The following NEDD4L variants were observed in gnomAD, a reference collection of about 807,000 sequenced individuals.
NEDD4L encodes NEDD4 like E3 ubiquitin protein ligase, also known as E3 ubiquitin-protein ligase NEDD4-like.
Under a neutral mutation model 148.9 loss-of-function variants are expected in NEDD4L, and 54 were observed. The observed-to-expected ratio is 0.36, with a 90% CI of 0.29 to 0.45. The LOEUF (loss-of-function observed/expected upper bound fraction) is 0.45, where lower values mean the gene tolerates loss of function less well. Among genes scored for constraint, NEDD4L ranks in the 20% least tolerant of loss-of-function variants. The pLI is 1.00. For missense variants in NEDD4L, 856 were observed against 1,233.8 expected (o/e 0.69, Z 4.59); for synonymous variants, 433 against 440.7 (o/e 0.98, Z 0.22).
intron 5 of NEDD4L, among the ~76,000 whole-genome samples, chr18:58,282,927 G>A (rs963880312): frequency 6.6e-6 from 1 of 152,126 alleles, no homozygotes. Flanking sequence ...TACACAATCT[G>A]TGTCAGCAGG....
intron 1 of NEDD4L, among the ~76,000 whole-genome samples, chr18:58,121,248 G>T (rs2086222512): frequency 6.6e-6 from 1 of 152,088 alleles, no homozygotes; most frequent in South Asian, 2.1e-4. Context: ...ATGAGAGTGG[G>T]CTGTTATTTT....
chr18:58,213,127 G>T (rs1311588193), intron 2 of NEDD4L, among the ~76,000 whole-genome samples: 2 of 143,092 alleles, frequency 1.4e-5, no homozygotes, highest in African/African-American at 5.6e-5. Context: ...TCATAATACT[G>T]ATGGAAATGT....
chr18:58,081,873 A>G (rs192275809), intron 1 of NEDD4L, among the ~76,000 whole-genome samples: 53 of 151,982 alleles, frequency 3.5e-4, no homozygotes, highest in Admixed American at 6.6e-4. Flanking sequence ...GAAATTGCCT[A>G]TTTACCTCAA....
At chr18:58,262,759 GA>G (rs1269044665) in intron 5 of NEDD4L, among the ~76,000 whole-genome samples, 2 of 152,218 alleles carry the variant, frequency 1.3e-5, no homozygotes, top group Admixed American at 6.5e-5. Context: ...GGCCAACTAG[GA>G]TACAGAGGAG....
At chr18:58,067,484 G>A (rs1020096690) in intron 1 of NEDD4L, among the ~76,000 whole-genome samples, 1 of 152,130 alleles carries the variant, frequency 6.6e-6, no homozygotes, top group Non-Finnish European at 1.5e-5. Context: ...AATGGTTGGG[G>A]CTGGGTTGGG....
At chr18:58,050,387 T>A (rs928602142) in intron 1 of NEDD4L, among the ~76,000 whole-genome samples, 47 of 152,096 alleles carry the variant, frequency 3.1e-4, no homozygotes, top group African/African-American at 1.1e-3. Context: ...GGAGAATAGC[T>A]TGAACCCTGA....
At chr18:58,211,649 TA>T (rs1236489502) in intron 2 of NEDD4L, among the ~76,000 whole-genome samples, 2 of 152,196 alleles carry the variant, frequency 1.3e-5, no homozygotes, top group Non-Finnish European at 2.9e-5. Flanking sequence ...TATAGAAGAA[TA>T]AATACGTACT....
At chr18:58,273,820 A>T (rs1026744429) in intron 5 of NEDD4L, among the ~76,000 whole-genome samples, 2 of 152,228 alleles carry the variant, frequency 1.3e-5, no homozygotes, top group Admixed American at 1.3e-4. Context: ...TTTTAAGTCC[A>T]TCTTTAAAAC....
intron 1 of NEDD4L, among the ~76,000 whole-genome samples, chr18:58,050,051 G>A (rs35457085): frequency 0.15 from 23,215 of 150,688 alleles, 2,007 homozygotes; most frequent in African/African-American, 0.22. Flanking sequence ...TGTGGAATTT[G>A]TAGACATTGA....
At chr18:58,200,751 C>T (rs1166745176) in intron 2 of NEDD4L, among the ~76,000 whole-genome samples, 2 of 152,304 alleles carry the variant, frequency 1.3e-5, no homozygotes, top group East Asian at 1.9e-4. Flanking sequence ...GGAATCAATT[C>T]GAGTCACTTA....
At chr18:58,143,557 C>G (rs1463812784) in intron 1 of NEDD4L, among the ~76,000 whole-genome samples, 2 of 152,172 alleles carry the variant, frequency 1.3e-5, no homozygotes, top group Non-Finnish European at 2.9e-5. Context: ...TGATGCAGTG[C>G]TATTTAAAGA....
intron 1 of NEDD4L, among the ~76,000 whole-genome samples, chr18:58,130,027 A>G (rs2031811489): frequency 7.8e-6 from 1 of 128,374 alleles, no homozygotes; most frequent in Admixed American, 9.0e-5. Context: ...ACTGTGATCT[A>G]GTTGAACTGT....
rs940401284 is a variant in NEDD4L at position 58,330,833 on chromosome 18, C to T, written c.909C>T (p.Ser303=). The T allele has an allele frequency of 4.3e-6, 7 of 1,613,760 alleles. No homozygotes were observed. Among genetic ancestry groups the T allele is most frequent in the Middle Eastern group, 1.6e-4 (1 of 6,084 alleles). Residue 303 remains serine (S), a synonymous_variant, in exon 11 of 31, where the codon AGC becomes AGT. Coordinates refer to ENST00000400345, the MANE Select transcript of NEDD4L (RefSeq NM_001144967.3). ...CGGCCTCCCCAGGATCTCGGACCAG[C>T]CCTCAGGAGCTGTCAGAGGAACTAA... ...PPPASPGSRT[S]PQELSEELSR...
chr18:58,256,405 G>A lies in NEDD4L; in HGVS notation c.297+4351G>A. Reference sequence around the variant, plus strand: ...AGCAGCCCCAACAAGGCGCTTCGGGGCCAGGCAGCGACCTCAACTTTGGCT... The same window carrying A: ...AGCAGCCCCAACAAGGCGCTTCGGGACCAGGCAGCGACCTCAACTTTGGCT... On this transcript the variant is annotated intron_variant, in intron 5 of 30. Coordinates refer to ENST00000400345, the MANE Select transcript of NEDD4L (RefSeq NM_001144967.3). This position sits in a 1 kb window ranked among gnomAD's most constrained non-coding sequence, Gnocchi z 5.2. 1 of 1,232,368 alleles carries A rather than the reference G, an allele frequency of 8.1e-7. No homozygotes were observed. Among genetic ancestry groups the A allele is most frequent in the Non-Finnish European group, 1.0e-6 (1 of 988,126 alleles). 76.3% of individuals were successfully genotyped at this position (1,232,368 alleles called of 1,614,324 possible).
chr18:58,356,427 A>T (rs2044670780), intron 18 of NEDD4L, among the ~76,000 whole-genome samples: 1 of 151,806 alleles, frequency 6.6e-6, no homozygotes, highest in Admixed American at 6.6e-5. Flanking sequence ...CCTAGTACAC[A>T]CACAGGAATC....
intron 2 of NEDD4L, among the ~76,000 whole-genome samples, chr18:58,189,069 T>A (rs890243011): frequency 6.6e-6 from 1 of 152,154 alleles, no homozygotes; most frequent in Non-Finnish European, 1.5e-5. Context: ...TTTATCCTCA[T>A]CCAATATCTG....
intron 1 of NEDD4L, among the ~76,000 whole-genome samples, chr18:58,142,909 G>A (rs778143203): frequency 2.0e-5 from 3 of 152,048 alleles, no homozygotes; most frequent in Non-Finnish European, 4.4e-5. Context: ...CAGGTCATCA[G>A]TATCTGGACG....
intron 22 of NEDD4L, among the ~76,000 whole-genome samples, chr18:58,370,151 A>G (rs968587519): frequency 2.6e-5 from 4 of 151,872 alleles, no homozygotes; most frequent in Non-Finnish European, 5.9e-5. Flanking sequence ...CTTGAAGCTC[A>G]TCTGTCACCT....
chr18:58,135,713 G>C (rs775466893), intron 1 of NEDD4L, among the ~76,000 whole-genome samples: 2 of 152,130 alleles, frequency 1.3e-5, no homozygotes, highest in Admixed American at 6.5e-5. Context: ...TTTCTTCATT[G>C]GTATTCCTGG....
Sources: gnomAD v4.1 joint callset for allele counts (sites outside exome capture counted in the v4.1 genomes callset) on GRCh38, gnomAD v4.1.1 for gene constraint, Gnocchi (gnomAD v3.1) non-coding constraint, MANE v1.5 for transcripts, NCBI Gene and HGNC (gene_info 2026-07-23, HGNC 2026-07-21) for gene names.